Variants in XYLT1 observed in about 807,000 individuals in gnomAD.
The protein encoded by XYLT1 is xylosyltransferase 1.
In XYLT1, 36 loss-of-function variants were observed where a neutral mutation model predicts 91.3. The ratio of observed to expected loss-of-function variants is 0.39; its 90% CI spans 0.30 to 0.52. The LOEUF (loss-of-function observed/expected upper bound fraction) is 0.52. XYLT1 is among the 20% of genes least tolerant of loss of function. XYLT1 has a pLI of 0.68. For missense variants in XYLT1, 1,242 were observed against 1,284.5 expected (o/e 0.97, Z 0.51); for synonymous variants, 588 against 532.0 (o/e 1.11, Z -1.45).
chr16:17,321,603 C>T (rs917395017), intron 2 of XYLT1, among the ~76,000 whole-genome samples: 19 of 151,938 alleles, frequency 1.3e-4, no homozygotes, highest in African/African-American at 4.6e-4. Context: ...AGTGATCTCC[C>T]CGTGTCAGAC....
At chr16:17,177,578 A>G (rs2031972791) in intron 5 of XYLT1, among the ~76,000 whole-genome samples, 1 of 152,180 alleles carries the variant, frequency 6.6e-6, no homozygotes, top group Non-Finnish European at 1.5e-5. Context: ...GACTGACTAG[A>G]ATGTATGAAT....
chr16:17,256,652 A>G (rs1236268243), intron 3 of XYLT1, among the ~76,000 whole-genome samples: 5 of 151,704 alleles, frequency 3.3e-5, no homozygotes, highest in Non-Finnish European at 7.4e-5. Flanking sequence ...CCGTCTCGAA[A>G]AAAAAAACAA....
chr16:17,419,121 T>C (rs1235069209), intron 1 of XYLT1, among the ~76,000 whole-genome samples: 4 of 152,042 alleles, frequency 2.6e-5, no homozygotes, highest in Non-Finnish European at 5.9e-5. Context: ...GACCTCTTTT[T>C]CCTTCTGTAA....
chr16:17,165,677 A>G (rs2031664208), intron 5 of XYLT1, among the ~76,000 whole-genome samples: 1 of 152,192 alleles, frequency 6.6e-6, no homozygotes, highest in African/African-American at 2.4e-5. Context: ...GGGTGACAAG[A>G]GTGAAACTCT....
At chr16:17,319,577 G>C (rs1247945112) in intron 2 of XYLT1, among the ~76,000 whole-genome samples, 2 of 151,940 alleles carry the variant, frequency 1.3e-5, no homozygotes, top group East Asian at 1.9e-4. Flanking sequence ...CAAATAGGTA[G>C]GATTACAGGC....
chr16:17,225,100 T>C (rs891635123), intron 3 of XYLT1, among the ~76,000 whole-genome samples: 1 of 152,096 alleles, frequency 6.6e-6, no homozygotes, highest in African/African-American at 2.4e-5. Flanking sequence ...GGAAGAGTCA[T>C]CTGATTAGAC....
At chr16:17,126,101 A>G (rs2030251794) in intron 10 of XYLT1, among the ~76,000 whole-genome samples, 9 of 152,208 alleles carry the variant, frequency 5.9e-5, no homozygotes, top group Admixed American at 5.9e-4. Flanking sequence ...AGTTTAGAAA[A>G]AATTCAAAAT....
intron 1 of XYLT1, among the ~76,000 whole-genome samples, chr16:17,369,221 C>T (rs2035495591): frequency 6.6e-6 from 1 of 151,386 alleles, no homozygotes; most frequent in African/African-American, 2.4e-5. Flanking sequence ...CCTCCACCTC[C>T]CGGGTTCAAG....
At chr16:17,117,589 C>T (rs1966855008) in intron 11 of XYLT1, 57 bp downstream of exon 11, 2 of 1,555,390 alleles carry the variant, frequency 1.3e-6, no homozygotes, top group South Asian at 2.5e-5. Flanking sequence ...ACACCAAAGA[C>T]CCTCAAGGTC....
chr16:17,412,177 C>T (rs1448964439), intron 1 of XYLT1, among the ~76,000 whole-genome samples: 6 of 152,240 alleles, frequency 3.9e-5, no homozygotes, highest in Non-Finnish European at 8.8e-5. Flanking sequence ...CCCAAAAACG[C>T]TCCGCACAGC....
chr16:17,448,980 G>T (rs914211747), intron 1 of XYLT1, among the ~76,000 whole-genome samples: 2 of 152,136 alleles, frequency 1.3e-5, no homozygotes, highest in South Asian at 4.1e-4. Flanking sequence ...TGCGAACTCC[G>T]GCACCTTGGC....
chr16:17,208,218 T>G, intron 3 of XYLT1, among the ~76,000 whole-genome samples: 1 of 53,222 alleles, frequency 1.9e-5, no homozygotes, highest in Non-Finnish European at 3.6e-5. Context: ...ACTCCTGGGC[T>G]CAAGCAATCC....
intron 2 of XYLT1, among the ~76,000 whole-genome samples, chr16:17,314,834 C>G (rs2034602209): frequency 6.6e-6 from 1 of 152,200 alleles, no homozygotes; most frequent in Non-Finnish European, 1.5e-5. Context: ...TACAACTTGA[C>G]AGCTAGAAGC....
intron 1 of XYLT1, among the ~76,000 whole-genome samples, chr16:17,375,821 G>A (rs1442059762): frequency 6.6e-6 from 1 of 152,216 alleles, no homozygotes; most frequent in African/African-American, 2.4e-5. Context: ...TCCGGAGCCC[G>A]GCCTTTCACT....
intron 1 of XYLT1, among the ~76,000 whole-genome samples, chr16:17,404,839 A>G (rs1210064986): frequency 6.6e-6 from 1 of 152,244 alleles, no homozygotes; most frequent in Non-Finnish European, 1.5e-5. Context: ...CAAACATAGC[A>G]TAGGGATAGA....
At chr16:17,310,027 A>C (rs1238089494) in intron 2 of XYLT1, among the ~76,000 whole-genome samples, 1 of 152,192 alleles carries the variant, frequency 6.6e-6, no homozygotes, top group Non-Finnish European at 1.5e-5. Flanking sequence ...CATCCCTGTA[A>C]AGATGGGATC....
intron 1 of XYLT1, among the ~76,000 whole-genome samples, chr16:17,429,971 C>T (rs148586163): frequency 1.3e-3 from 186 of 144,290 alleles, no homozygotes; most frequent in African/African-American, 3.3e-3. Context: ...GAGTCTTGCT[C>T]GGTCGCCCAG....
chr16:17,131,081 G>A (rs1279129866), intron 9 of XYLT1, among the ~76,000 whole-genome samples: 5 of 152,116 alleles, frequency 3.3e-5, no homozygotes, highest in Admixed American at 1.3e-4. Context: ...GGCCTGGTCC[G>A]CCTGGATCAA....
At chr16:17,251,045 T>C (rs1353087733) in intron 3 of XYLT1, 2 of 152,204 alleles carry the variant, frequency 1.3e-5, no homozygotes, top group Non-Finnish European at 1.5e-5. Flanking sequence ...TCAGCTACGC[T>C]TTCTAGAAGC....
Sources: allele counts gnomAD v4.1 joint callset (sites outside exome capture counted in the v4.1 genomes callset), GRCh38; gene constraint gnomAD v4.1.1; transcripts MANE v1.5; gene names NCBI Gene and HGNC (gene_info 2026-07-23, HGNC 2026-07-21).